Variants in ARID2 observed in about 807,000 individuals in gnomAD.
The protein encoded by ARID2 is AT-rich interactive domain-containing protein 2.
ARID2 carries 32 observed loss-of-function variants against 184.6 expected under a neutral mutation model. The ratio of observed to expected loss-of-function variants is 0.17; its 90% CI spans 0.13 to 0.23. The LOEUF (loss-of-function observed/expected upper bound fraction) is 0.23, where lower values mean the gene tolerates loss of function less well. ARID2 is among the 10% of genes least tolerant of loss of function. The pLI is 1.00. For synonymous variants in ARID2, 836 were observed against 772.6 expected (o/e 1.08, Z -1.36); for missense variants, 1,696 against 2,197.6 (o/e 0.77, Z 4.56).
chr12:45,748,367 C>T (rs1941397675), intron 3 of ARID2, among the ~76,000 whole-genome samples: 1 of 152,050 alleles, frequency 6.6e-6, no homozygotes, highest in Non-Finnish European at 1.5e-5. Flanking sequence ...CTCCATCTAG[C>T]CTGGACAATA....
intron 3 of ARID2, 122 bp from the exon 4 acceptor site, chr12:45,811,296 A>G (rs1942703545): frequency 2.1e-5 from 22 of 1,063,940 alleles, no homozygotes; most frequent in Non-Finnish European, 2.9e-5. Flanking sequence ...TAAGAGGTTT[A>G]TGGTATTTTT....
chr12:45,750,808 A>G (rs1272462891), intron 3 of ARID2, among the ~76,000 whole-genome samples: 2 of 152,196 alleles, frequency 1.3e-5, no homozygotes, highest in Non-Finnish European at 2.9e-5. Flanking sequence ...AAACTACCCT[A>G]TAAGAATACC....
chr12:45,815,772 C>G (rs1300877173), intron 4 of ARID2, among the ~76,000 whole-genome samples: 1 of 152,174 alleles, frequency 6.6e-6, no homozygotes, highest in African/African-American at 2.4e-5. Flanking sequence ...AGCAATCCTC[C>G]CAGCTCAGCC....
At chr12:45,747,719 A>C (rs1195395820) in intron 3 of ARID2, among the ~76,000 whole-genome samples, 1 of 152,240 alleles carries the variant, frequency 6.6e-6, no homozygotes, top group African/African-American at 2.4e-5. Context: ...TTATTAAACA[A>C]GCATCAAGAG....
chr12:45,783,160 C>T (rs1942129741), intron 3 of ARID2, among the ~76,000 whole-genome samples: 1 of 151,042 alleles, frequency 6.6e-6, no homozygotes, highest in Admixed American at 6.6e-5. Flanking sequence ...AAATGATTCT[C>T]ATGATTGAAA....
intron 3 of ARID2, among the ~76,000 whole-genome samples, chr12:45,738,779 CTTTTTTTTT>C (rs11333868): frequency 0.15 from 9,248 of 61,542 alleles, 463 homozygotes; most frequent in East Asian, 0.23. Flanking sequence ...ATATGGGCTA[CTTTTTTTTT>C]TTTTTTTTTT....
At chr12:45,757,232 T>G (rs1023192353) in intron 3 of ARID2, among the ~76,000 whole-genome samples, 1 of 152,234 alleles carries the variant, frequency 6.6e-6, no homozygotes, top group Non-Finnish European at 1.5e-5. Flanking sequence ...AAATGTGTTC[T>G]GTACTTAAAT....
intron 2 of ARID2, among the ~76,000 whole-genome samples, chr12:45,730,630 A>G (rs67133230): frequency 0.61 from 93,359 of 151,812 alleles, 30,787 homozygotes; most frequent in African/African-American, 0.87. Context: ...GCTGCGAAAT[A>G]ATCCCGGCAG....
chr12:45,760,190 A>G (rs144920902), intron 3 of ARID2, among the ~76,000 whole-genome samples: 61 of 152,156 alleles, frequency 4.0e-4, no homozygotes, highest in African/African-American at 1.3e-3. Context: ...ATTTTAATTT[A>G]TTGCTCTATA....
chr12:45,851,204 A>C lies in ARID2; in HGVS notation c.3081A>C (p.Gln1027His). ...HSPAPPPQQV[Q>H]VQVQQPQQVQ... ...CAGCACCCCCACCACAGCAGGTACA[A>C]GTACAAGTTCAGCAGCCCCAACAAG... The change falls in exon 15 of 21, where the codon CAA (glutamine) becomes CAC (histidine). Residue 1027 changes from glutamine (Q) to histidine (H), a missense_variant. Physicochemically the swap from Gln to His is conservative, Grantham distance 24. Around this residue, in one of 11 missense-constraint regions of ARID2, gnomAD observed 713 missense variants for 824.4 expected, o/e 0.86. Coordinates refer to ENST00000334344, the MANE Select transcript of ARID2 (RefSeq NM_152641.4). 6.2e-7 allele frequency: 1 copy of C among 1,614,130 alleles called. No homozygotes were observed. Among genetic ancestry groups the C allele is most frequent in the Non-Finnish European group, 8.5e-7 (1 of 1,180,014 alleles).
intron 11 of ARID2, among the ~76,000 whole-genome samples, chr12:45,846,278 T>C (rs557251388): frequency 2.7e-4 from 41 of 152,306 alleles, no homozygotes; most frequent in African/African-American, 8.7e-4. Context: ...AAATCCTTTT[T>C]TGAATATGGG....
chr12:45,752,254 G>T (rs1045274481), intron 3 of ARID2, among the ~76,000 whole-genome samples: 4 of 152,086 alleles, frequency 2.6e-5, no homozygotes, highest in Non-Finnish European at 5.9e-5. Context: ...TAGTCTTTTG[G>T]CATAGGATTG....
At chr12:45,857,258 A>G (rs1257911067) in intron 15 of ARID2, among the ~76,000 whole-genome samples, 15 of 152,204 alleles carry the variant, frequency 9.9e-5, no homozygotes, top group Admixed American at 9.2e-4. Flanking sequence ...GTAACATGGA[A>G]TATTGGTATC....
At chr12:45,826,757 G>T (rs1480139988) in intron 6 of ARID2, among the ~76,000 whole-genome samples, 2 of 151,998 alleles carry the variant, frequency 1.3e-5, no homozygotes, top group Non-Finnish European at 2.9e-5. Flanking sequence ...GGAAAAGCTA[G>T]AATTTACAGC....
chr12:45,799,654 T>C (rs1942457947), intron 3 of ARID2, among the ~76,000 whole-genome samples: 1 of 152,126 alleles, frequency 6.6e-6, no homozygotes, highest in Non-Finnish European at 1.5e-5. Flanking sequence ...CTACTGAAAG[T>C]TGACATGCCA....
At chr12:45,766,355 G>A (rs1941769870) in intron 3 of ARID2, among the ~76,000 whole-genome samples, 1 of 151,358 alleles carries the variant, frequency 6.6e-6, no homozygotes, top group South Asian at 2.1e-4. Context: ...TTTTAGTAGA[G>A]ATGGGTTTCA....
intron 20 of ARID2, among the ~76,000 whole-genome samples, chr12:45,903,029 C>A (rs1944478609): frequency 6.6e-6 from 1 of 152,146 alleles, no homozygotes; most frequent in Middle Eastern, 3.2e-3. Context: ...CAGTTGAAAT[C>A]TTTCATGTTC....
intron 3 of ARID2, among the ~76,000 whole-genome samples, chr12:45,752,199 A>G (rs1941476915): frequency 6.6e-6 from 1 of 152,226 alleles, no homozygotes; most frequent in Non-Finnish European, 1.5e-5. Context: ...ATATGCAGAT[A>G]AAATTATTGA....
At chr12:45,903,191 T>G (rs556476513) in intron 20 of ARID2, among the ~76,000 whole-genome samples, 16 of 152,366 alleles carry the variant, frequency 1.1e-4, no homozygotes, top group South Asian at 1.0e-3. Flanking sequence ...ATTCATGTTG[T>G]TGCATGATAG....
Sources: gnomAD v4.1 joint callset for allele counts (sites outside exome capture counted in the v4.1 genomes callset) on GRCh38, gnomAD v4.1.1 for gene constraint, gnomAD v4.1.1 regional missense constraint, MANE v1.5 for transcripts, NCBI Gene and HGNC (gene_info 2026-07-23, HGNC 2026-07-21) for gene names.